The following IGF1R variants were observed in gnomAD, a reference collection of about 807,000 sequenced individuals.
IGF1R encodes the protein insulin like growth factor 1 receptor.
In IGF1R, 44 loss-of-function variants were observed where a neutral mutation model predicts 144.6. That is an observed-to-expected ratio of 0.30 (90% CI 0.24 to 0.39). The LOEUF is 0.39. Ranked by LOEUF, IGF1R falls within the 10% of genes least tolerant of loss-of-function variation. The pLI, the probability that IGF1R is intolerant of heterozygous loss-of-function variation, is 1.00. For missense variants in IGF1R, 1,355 were observed against 1,833.7 expected (o/e 0.74, Z 4.77); for synonymous variants, 795 against 722.8 (o/e 1.10, Z -1.60).
intron 1 of IGF1R, among the ~76,000 whole-genome samples, chr15:98,686,101 G>A (rs11854132): frequency 0.33 from 49,477 of 152,094 alleles, 8,956 homozygotes; most frequent in African/African-American, 0.49. Flanking sequence ...AAATTTGACT[G>A]TCTGGATACC....
rs200870187 is a variant in IGF1R, at chr15:98,957,326, G to T, written c.3988G>T (p.Gly1330Cys). 1.9e-6 allele frequency: 3 copies of T among 1,611,930 alleles called. No homozygotes were observed. Among genetic ancestry groups the T allele is most frequent in the Non-Finnish European group, 2.5e-6 (3 of 1,178,584 alleles). ...AGGACACAAGGCCGAGAACGGCCCCGGCCCTGGGGTGCTGGTCCTCCGCGC... is the reference window on the plus strand; with the variant it reads ...AGGACACAAGGCCGAGAACGGCCCCTGCCCTGGGGTGCTGGTCCTCCGCGC... ...HSGHKAENGP[G>C]PGVLVLRASF... is the part of the protein sequence containing the mutation. Residue 1330 changes from glycine (G) to cysteine (C), a missense_variant, in exon 21 of 21, where the codon GGC (glycine) becomes TGC (cysteine). Gly to Cys is a radical substitution (Grantham distance 159, BLOSUM62 -3). Transcript: ENST00000650285.
At chr15:98,801,924 A>C (rs2056372658) in intron 2 of IGF1R, among the ~76,000 whole-genome samples, 1 of 152,162 alleles carries the variant, frequency 6.6e-6, no homozygotes, top group Non-Finnish European at 1.5e-5. Context: ...GGTGTTTTGT[A>C]AACCCATCTG....
intron 13 of IGF1R, among the ~76,000 whole-genome samples, chr15:98,925,318 C>T (rs1334825170): frequency 6.6e-6 from 1 of 152,186 alleles, no homozygotes; most frequent in Non-Finnish European, 1.5e-5. Flanking sequence ...TGTGTGATGA[C>T]TTCAGATTTT....
In IGF1R at chr15:98,780,950, TA is replaced by T. The variant is rs931147857; in HGVS notation, c.640+72849del. ...GGGCAACATGGCAAGCTTTGTCTCT[TA>T]AAAAACAAAACAAAACAAAATTTAG... On this transcript the variant is annotated intron_variant, in intron 2 of 20. Coordinates refer to ENST00000650285, the MANE Select transcript of IGF1R (RefSeq NM_000875.5). Among the ~76,000 whole-genome samples, 39 of 152,192 alleles carry T rather than the reference TA, an allele frequency of 2.6e-4. No homozygotes were observed. The East Asian group carries it at 7.3e-3, about 29-fold the overall frequency.
rs1025373236 is a variant in IGF1R at position 98,963,193 on chromosome 15, C to T, written c.*5751C>T. The T allele has an allele frequency of 1.3e-5, 3 of 225,214 alleles. No individual in the cohort carries two copies. Among genetic ancestry groups the T allele is most frequent in the Non-Finnish European group, 1.7e-5 (2 of 116,658 alleles). The allele number at this position is 225,214 out of a possible 1,614,324, so 14.0% of individuals were successfully genotyped here. A position where few individuals can be genotyped will look rare whatever the true frequency, so the allele number is the denominator to read the frequency against. On this transcript the variant is annotated 3_prime_UTR_variant, in exon 21 of 21. Coordinates refer to ENST00000650285, the MANE Select transcript of IGF1R (RefSeq NM_000875.5). ...GACACTTTTTTTTTCTCTGTGTGTG[C>T]AAATGTGTGTTTGTGATCCATTTTT...
At chr15:98,650,437 C>T (rs911453721) in intron 1 of IGF1R, among the ~76,000 whole-genome samples, 3 of 152,234 alleles carry the variant, frequency 2.0e-5, no homozygotes, top group East Asian at 1.9e-4. Flanking sequence ...GAGTCTTCCT[C>T]AGCTTGTCTC....
At position 98,922,223 on chromosome 15, in the gene IGF1R, C is replaced by G; in HGVS notation, c.2277C>G (p.Ala759=). ...CCAGCCGAAGCAGGAACACCACGGC[C>G]GCAGACACCTACAACATCACCGACC... ...TMSSRSRNTT[A]ADTYNITDPE... Residue 759 remains alanine (A), a synonymous_variant, in exon 11 of 21, where the codon GCC becomes GCG. Transcript: ENST00000650285. 3.7e-6 allele frequency: 6 copies of G among 1,614,154 alleles called. No homozygotes were observed. In the South Asian group the frequency reaches 5.5e-5, roughly 15 times the overall value.
intron 2 of IGF1R, among the ~76,000 whole-genome samples, chr15:98,866,033 T>C (rs2012423970): frequency 6.6e-6 from 1 of 152,204 alleles, no homozygotes; most frequent in South Asian, 2.1e-4. Flanking sequence ...GTAGTGCACA[T>C]ATGCACGGGG....
intron 2 of IGF1R, chr15:98,890,738 A>AAAGATG: frequency 6.2e-6 from 1 of 161,014 alleles, no homozygotes; most frequent in East Asian, 1.7e-4. Context: ...GTCATCTAAC[A>AAAGATG]GCTTTGGCTT....
intron 2 of IGF1R, chr15:98,820,833 G>A (rs376727645): frequency 6.6e-6 from 1 of 152,180 alleles, no homozygotes; most frequent in Non-Finnish European, 1.5e-5. Flanking sequence ...GCCTGAGTAC[G>A]TTTGAATTAC....
chr15:98,650,657 C>T (rs2052338309), intron 1 of IGF1R, among the ~76,000 whole-genome samples: 1 of 152,228 alleles, frequency 6.6e-6, no homozygotes, highest in Admixed American at 6.5e-5. Flanking sequence ...CCGTCCCTGG[C>T]GAGAGGTGTC....
At chr15:98,760,738 G>A (rs566791292) in intron 2 of IGF1R, among the ~76,000 whole-genome samples, 44 of 152,218 alleles carry the variant, frequency 2.9e-4, no homozygotes, top group Non-Finnish European at 5.3e-4. Context: ...TTCCATGTAG[G>A]AGGTTTTAGG....
chr15:98,845,492 T>TCCTTCTCCTC (rs1384837674), intron 2 of IGF1R, among the ~76,000 whole-genome samples: 1 of 99,342 alleles, frequency 1.0e-5, no homozygotes, highest in African/African-American at 3.9e-5. Flanking sequence ...TCCTCCTCCT[T>TCCTTCTCCTC]CCTTCTCCTC....
chr15:98,707,086 T>C lies in IGF1R; in HGVS notation c.95-476T>C, dbSNP rs2053882336. On this transcript the variant is annotated intron_variant, in intron 1 of 20. Transcript: ENST00000650285. This position sits in a 1 kb window ranked among gnomAD's most constrained non-coding sequence, Gnocchi z 6.7. ...ACAAGTCACAGTGACGGTTCTCCAGTGTAGAGTAGATTGATTGCCCTGTGT... is the reference window on the plus strand; with the variant it reads ...ACAAGTCACAGTGACGGTTCTCCAGCGTAGAGTAGATTGATTGCCCTGTGT... 6.6e-6 allele frequency among the ~76,000 whole-genome samples: 1 copy of C among 152,100 alleles called. No homozygotes were observed. Among genetic ancestry groups the C allele is most frequent in the Non-Finnish European group, 1.5e-5 (1 of 68,018 alleles).
At position 98,963,009 on chromosome 15, in the gene IGF1R, T is replaced by A. The variant is rs1371393866; in HGVS notation, c.*5567T>A. 1 of 233,584 alleles carries A rather than the reference T, an allele frequency of 4.3e-6. No individual in the cohort carries two copies. The highest frequency in any genetic ancestry group is 8.5e-6 in the Non-Finnish European group (1 of 118,044). 14.5% of individuals were successfully genotyped at this position (233,584 alleles called of 1,614,324 possible). On this transcript the variant is annotated 3_prime_UTR_variant, in exon 21 of 21. Transcript: ENST00000650285. ...AACATTGTTTTAACTAGTCACTCATTAGCGTTTTCAATAGGGCTCTTAAGT... is the reference window on the plus strand; with the variant it reads ...AACATTGTTTTAACTAGTCACTCATAAGCGTTTTCAATAGGGCTCTTAAGT...
intron 1 of IGF1R, among the ~76,000 whole-genome samples, chr15:98,652,344 T>A (rs1379101608): frequency 6.6e-6 from 1 of 152,246 alleles, no homozygotes; most frequent in East Asian, 1.9e-4. Flanking sequence ...ACCCCAGGCA[T>A]CCTGTTGTCA....
intron 1 of IGF1R, among the ~76,000 whole-genome samples, chr15:98,683,864 C>T (rs987365235): frequency 9.2e-5 from 14 of 152,178 alleles, no homozygotes; most frequent in African/African-American, 3.1e-4. Flanking sequence ...ATCTCTAAGA[C>T]ACTGAGACAG....
At chr15:98,955,436 A>G (rs2016940512) in intron 20 of IGF1R, among the ~76,000 whole-genome samples, 1 of 152,234 alleles carries the variant, frequency 6.6e-6, no homozygotes, top group African/African-American at 2.4e-5. Context: ...CTCTGTCCTA[A>G]TGTCCTCAGC....
At position 98,964,225 on chromosome 15, in the gene IGF1R, AG is replaced by A. The variant is rs2017338160; in HGVS notation, c.*6784del. Reference sequence around the variant, plus strand: ...TGTTAAAAAAAAATTTTTTTAAGTAAGAAAAAAAAAGGTAATAACATGGCCA... The same window carrying A: ...TGTTAAAAAAAAATTTTTTTAAGTAAAAAAAAAAAGGTAATAACATGGCCA... On this transcript the variant is annotated 3_prime_UTR_variant, in exon 21 of 21. Transcript: ENST00000650285. 2 of 232,560 alleles carry A rather than the reference AG, an allele frequency of 8.6e-6. No individual in the cohort carries two copies. Among genetic ancestry groups the A allele is most frequent in the South Asian group, 3.6e-4 (2 of 5,532 alleles). The allele number at this position is 232,560 out of a possible 1,614,324, so 14.4% of individuals were successfully genotyped here. A position where few individuals can be genotyped will look rare whatever the true frequency, so the allele number is the denominator to read the frequency against.
Sources: allele counts gnomAD v4.1 joint callset (sites outside exome capture counted in the v4.1 genomes callset), GRCh38; gene constraint gnomAD v4.1.1; non-coding constraint Gnocchi (gnomAD v3.1); transcripts MANE v1.5; gene names NCBI Gene and HGNC (gene_info 2026-07-23, HGNC 2026-07-21).